The following NRG2 variants were observed in gnomAD, a reference collection of about 807,000 sequenced individuals.
The protein encoded by NRG2 is pro-neuregulin-2, membrane-bound isoform.
In NRG2, 27 loss-of-function variants were observed where a neutral mutation model predicts 73.9. The observed-to-expected ratio is 0.37, with a 90% confidence interval of 0.27 to 0.50. NRG2 has a LOEUF of 0.50. NRG2 is among the 20% of genes least tolerant of loss of function. The probability of loss-of-function intolerance (pLI) is 0.96; values close to 1 mark genes in which losing one functional copy is unlikely to be tolerated. For missense variants in NRG2, 1,126 were observed against 1,210.1 expected (o/e 0.93, Z 1.03); for synonymous variants, 532 against 541.0 (o/e 0.98, Z 0.23).
At chr5:139,955,921 C>T (rs2126482102) in intron 1 of NRG2, among the ~76,000 whole-genome samples, 1 of 152,298 alleles carries the variant, frequency 6.6e-6, no homozygotes. Flanking sequence ...CCCTCAGCTT[C>T]TTCCTCTGTA....
intron 1 of NRG2, among the ~76,000 whole-genome samples, chr5:139,942,671 C>A (rs545184240): frequency 6.6e-6 from 1 of 152,330 alleles, no homozygotes; most frequent in East Asian, 1.9e-4. Context: ...ATTTATGTTT[C>A]TCCCAATGTC....
At chr5:139,982,875 C>A (rs1213309003) in intron 1 of NRG2, among the ~76,000 whole-genome samples, 1 of 152,170 alleles carries the variant, frequency 6.6e-6, no homozygotes, top group Non-Finnish European at 1.5e-5. Flanking sequence ...TTATGACTTG[C>A]CTCCATCAGA....
At chr5:139,971,727 T>G (rs1446626366) in intron 1 of NRG2, among the ~76,000 whole-genome samples, 1 of 152,140 alleles carries the variant, frequency 6.6e-6, no homozygotes, top group Non-Finnish European at 1.5e-5. Flanking sequence ...ACGTGCAGGA[T>G]CTATCAATAG....
Position 139,851,809 on chromosome 5 carries a change from G to C in NRG2, c.1567C>G (p.Leu523Val). 1 of 1,614,198 alleles carries C rather than the reference G, an allele frequency of 6.2e-7. No homozygotes were observed. Among genetic ancestry groups the C allele is most frequent in the Non-Finnish European group, 8.5e-7 (1 of 1,180,026 alleles). ...GAAGTCAGGCTCTCAGAACGTTCCAGGCTCCACGTGTGGCTCTCGTGTCTG... is the reference window on the plus strand; with the variant it reads ...GAAGTCAGGCTCTCAGAACGTTCCACGCTCCACGTGTGGCTCTCGTGTCTG... ...SHRHESHTWS[L>V]ERSESLTSDS... Residue 523 changes from leucine (L) to valine (V), a missense_variant, in exon 9 of 10, where the codon CTG becomes GTG. Leu to Val is a conservative substitution (Grantham distance 32, BLOSUM62 1). Around this residue, in one of 3 missense-constraint regions of NRG2, gnomAD observed 539 missense variants for 703.2 expected, o/e 0.77. Coordinates refer to ENST00000361474, the MANE Select transcript of NRG2 (RefSeq NM_004883.3). This position sits in a 1 kb window ranked among gnomAD's most constrained non-coding sequence, Gnocchi z 4.2.
intron 1 of NRG2, among the ~76,000 whole-genome samples, chr5:139,907,057 G>A (rs900978358): frequency 4.6e-5 from 7 of 152,138 alleles, no homozygotes; most frequent in African/African-American, 1.7e-4. Context: ...TGTGCACATG[G>A]GTGTGTATGT....
intron 1 of NRG2, among the ~76,000 whole-genome samples, chr5:139,918,478 T>G (rs185612584): frequency 8.6e-4 from 131 of 152,332 alleles, no homozygotes; most frequent in African/African-American, 2.6e-3. Context: ...TGCTTCCAGA[T>G]AGCTTGTCTC....
intron 4 of NRG2, among the ~76,000 whole-genome samples, chr5:139,867,762 C>CTGTGTGTGTGTGTGTGTGTGTGTGTGTG (rs367771225): frequency 7.8e-6 from 1 of 128,774 alleles, no homozygotes. Flanking sequence ...GAAGGGAAAC[C>CTGTGTGTGTGTGTGTGTGTGTGTGTGTG]TGTGTGTGTG....
intron 5 of NRG2, among the ~76,000 whole-genome samples, chr5:139,861,435 G>A (rs1165313947): frequency 2.6e-5 from 4 of 152,220 alleles, no homozygotes; most frequent in Non-Finnish European, 5.9e-5. Flanking sequence ...GGGCGGGAGA[G>A]CAGCATGGCT....
intron 1 of NRG2, among the ~76,000 whole-genome samples, chr5:140,007,230 T>C (rs916689928): frequency 1.3e-5 from 2 of 152,138 alleles, no homozygotes; most frequent in African/African-American, 4.8e-5. Flanking sequence ...AGAAGGAAAC[T>C]GGACTTTGAA....
At chr5:140,032,863 A>C (rs1308125848) in intron 1 of NRG2, among the ~76,000 whole-genome samples, 1 of 152,222 alleles carries the variant, frequency 6.6e-6, no homozygotes, top group African/African-American at 2.4e-5. Context: ...AAATATTTAA[A>C]GGAAGAACCC....
intron 1 of NRG2, among the ~76,000 whole-genome samples, chr5:139,892,592 C>T (rs1455035171): frequency 1.3e-5 from 2 of 152,058 alleles, no homozygotes; most frequent in Non-Finnish European, 2.9e-5. Context: ...CTGGTATTGC[C>T]TGTTTCTCTT....
At chr5:139,903,215 G>GTGAGGGGATAGAGA (rs1765000977) in intron 1 of NRG2, among the ~76,000 whole-genome samples, 1 of 152,152 alleles carries the variant, frequency 6.6e-6, no homozygotes, top group South Asian at 2.1e-4. Context: ...TAGAGACCCA[G>GTGAGGGGATAGAGA]CAAGTCTCAG....
chr5:139,963,535 G>T (rs1158735215), intron 1 of NRG2, among the ~76,000 whole-genome samples: 1 of 152,190 alleles, frequency 6.6e-6, no homozygotes, highest in Middle Eastern at 3.2e-3. Context: ...TATAAGGAAA[G>T]AACTGAGCCC....
At chr5:140,011,326 G>A (rs746201399) in intron 1 of NRG2, among the ~76,000 whole-genome samples, 6 of 152,172 alleles carry the variant, frequency 3.9e-5, no homozygotes, top group African/African-American at 7.2e-5. Context: ...ATCTTCCTTC[G>A]GGATTATGGT....
At chr5:139,938,935 AAGAAAGAAAG>A (rs1398201311) in intron 1 of NRG2, among the ~76,000 whole-genome samples, 8 of 145,662 alleles carry the variant, frequency 5.5e-5, no homozygotes, top group Admixed American at 1.4e-4. Context: ...GAAAGAAAGA[AAGAAAGAAAG>A]AAAGAAAGAA....
At chr5:139,886,127 C>G (rs935844139) in intron 2 of NRG2, among the ~76,000 whole-genome samples, 4 of 152,218 alleles carry the variant, frequency 2.6e-5, no homozygotes, top group African/African-American at 9.7e-5. Context: ...CAGCCACAAA[C>G]CTTTGATCTA....
chr5:139,993,371 C>T (rs1484907284), intron 1 of NRG2, among the ~76,000 whole-genome samples: 1 of 152,166 alleles, frequency 6.6e-6, no homozygotes, highest in African/African-American at 2.4e-5. Flanking sequence ...GCCACAGTGG[C>T]TTTCTTATGA....
At chr5:139,987,080 G>A (rs1385292535) in intron 1 of NRG2, among the ~76,000 whole-genome samples, 1 of 151,922 alleles carries the variant, frequency 6.6e-6, no homozygotes, top group Non-Finnish European at 1.5e-5. Flanking sequence ...CTAGGAAAAA[G>A]AATATTATGG....
chr5:139,995,344 C>A (rs1757944031), intron 1 of NRG2, among the ~76,000 whole-genome samples: 1 of 152,116 alleles, frequency 6.6e-6, no homozygotes, highest in East Asian at 1.9e-4. Context: ...TTCTTCCTGG[C>A]ACTCTAATTA....
Sources: allele counts gnomAD v4.1 joint callset (sites outside exome capture counted in the v4.1 genomes callset), GRCh38; gene constraint gnomAD v4.1.1; regional missense constraint gnomAD v4.1.1; non-coding constraint Gnocchi (gnomAD v3.1); transcripts MANE v1.5; gene names NCBI Gene and HGNC (gene_info 2026-07-23, HGNC 2026-07-21).